EXOC4: variants seen among roughly 807,000 people sequenced by gnomAD.
EXOC4 encodes the protein exocyst complex component 4.
A neutral mutation model predicts 107.2 loss-of-function variants in EXOC4; 71 were observed. The observed-to-expected ratio is 0.66, with a 90% CI of 0.55 to 0.81. The LOEUF is 0.81. EXOC4 is among the 30% of genes least tolerant of loss of function. The probability of loss-of-function intolerance (pLI) is 0.00; values close to 1 mark genes in which losing one functional copy is unlikely to be tolerated. For missense variants in EXOC4, 1,108 were observed against 1,189.6 expected, an observed-to-expected ratio of 0.93 and a Z score of 1.01; for synonymous variants, 456 against 441.2, an observed-to-expected ratio of 1.03 and a Z score of -0.42.
intron 17 of EXOC4, among the ~76,000 whole-genome samples, chr7:134,042,011 C>T (rs573226402): frequency 2.6e-5 from 4 of 152,168 alleles, no homozygotes; most frequent in East Asian, 3.9e-4. Context: ...ACCCTGATTG[C>T]GATCATATAA....
intron 11 of EXOC4, among the ~76,000 whole-genome samples, chr7:133,820,422 A>AAT (rs1797492497): frequency 6.6e-6 from 1 of 152,026 alleles, no homozygotes; most frequent in Non-Finnish European, 1.5e-5. Context: ...TTCCTCTACA[A>AAT]GCACAGGGTG....
chr7:133,486,083 A>T (rs1032456283), intron 9 of EXOC4, among the ~76,000 whole-genome samples: 1 of 152,074 alleles, frequency 6.6e-6, no homozygotes, highest in African/African-American at 2.4e-5. Context: ...ATGTTCTGTA[A>T]ATCTCCAACC....
At chr7:133,317,958 G>A (rs1243759937) in intron 5 of EXOC4, among the ~76,000 whole-genome samples, 1 of 152,134 alleles carries the variant, frequency 6.6e-6, no homozygotes, top group African/African-American at 2.4e-5. Context: ...ACACCCGGGC[G>A]ACCAGCACTG....
rs540787218 is a variant in EXOC4 at position 133,792,072 on chromosome 7, G to A, written c.1515-25253G>A. ...ACAGCTGTGGACCATGGACAAACACGTGTATGCCCAGACCCAGCAGTTTTA... is the reference window on the plus strand; with the variant it reads ...ACAGCTGTGGACCATGGACAAACACATGTATGCCCAGACCCAGCAGTTTTA... On this transcript the variant is annotated intron_variant, in intron 10 of 17. Coordinates refer to ENST00000253861, the MANE Select transcript of EXOC4 (RefSeq NM_021807.4). Among the ~76,000 whole-genome samples the A allele has an allele frequency of 2.0e-5, 3 of 152,134 alleles. No homozygotes were observed. In the East Asian group the frequency reaches 5.8e-4, roughly 30 times the overall value.
At chr7:133,886,508 A>G (rs952017657) in intron 11 of EXOC4, among the ~76,000 whole-genome samples, 9 of 151,754 alleles carry the variant, frequency 5.9e-5, no homozygotes, top group South Asian at 4.2e-4. Context: ...TTCCACAGCA[A>G]TGTTTTTTTT....
chr7:133,626,842 G>A (rs982633529), intron 9 of EXOC4, among the ~76,000 whole-genome samples: 3 of 152,120 alleles, frequency 2.0e-5, no homozygotes, highest in East Asian at 3.9e-4. Flanking sequence ...ATCAACAAAC[G>A]TTTATTAAGC....
chr7:133,945,240 A>G (rs993517861), intron 14 of EXOC4, among the ~76,000 whole-genome samples: 26 of 152,208 alleles, frequency 1.7e-4, no homozygotes, highest in African/African-American at 4.8e-4. Context: ...CGCATTAGAA[A>G]TGCCTGTGCT....
intron 11 of EXOC4, among the ~76,000 whole-genome samples, chr7:133,886,121 G>A (rs1165263975): frequency 6.6e-6 from 1 of 152,198 alleles, no homozygotes; most frequent in Non-Finnish European, 1.5e-5. Flanking sequence ...TCCAGTAGAT[G>A]TGAAAAGATG....
intron 10 of EXOC4, among the ~76,000 whole-genome samples, chr7:133,783,751 T>C (rs1796513300): frequency 6.6e-6 from 1 of 152,242 alleles, no homozygotes. Flanking sequence ...TCTTACTTTA[T>C]GTACAATATT....
chr7:133,941,330 A>T (rs572209296), intron 14 of EXOC4, among the ~76,000 whole-genome samples: 1 of 152,268 alleles, frequency 6.6e-6, no homozygotes, highest in South Asian at 2.1e-4. Context: ...ATCTCTTCAG[A>T]TAGGACAGTA....
chr7:133,553,193 A>T (rs1800624501), intron 9 of EXOC4, among the ~76,000 whole-genome samples: 1 of 152,164 alleles, frequency 6.6e-6, no homozygotes, highest in South Asian at 2.1e-4. Context: ...GTGTTTTATA[A>T]AGTGTGATAT....
At chr7:133,558,588 A>G (rs550199142) in intron 9 of EXOC4, among the ~76,000 whole-genome samples, 44 of 152,268 alleles carry the variant, frequency 2.9e-4, no homozygotes, top group African/African-American at 1.0e-3. Context: ...TGGAAATTAC[A>G]AACAAATGTA....
intron 17 of EXOC4, among the ~76,000 whole-genome samples, chr7:134,009,632 C>T (rs1182472388): frequency 1.3e-5 from 2 of 152,008 alleles, no homozygotes; most frequent in East Asian, 1.9e-4. Flanking sequence ...TTTATTTGGT[C>T]GCTCTTATGG....
intron 10 of EXOC4, among the ~76,000 whole-genome samples, chr7:133,648,428 AATC>A (rs1183456038): frequency 6.6e-6 from 1 of 152,200 alleles, no homozygotes; most frequent in East Asian, 1.9e-4. Context: ...GCCTTTGTAG[AATC>A]ATCATCTTTT....
At chr7:133,672,369 C>T (rs1376945092) in intron 10 of EXOC4, among the ~76,000 whole-genome samples, 4 of 140,908 alleles carry the variant, frequency 2.8e-5, no homozygotes, top group South Asian at 2.2e-4. Flanking sequence ...CCAGCCTGGG[C>T]GACAGAGTGA....
At chr7:133,678,605 C>CTT (rs879722356) in intron 10 of EXOC4, among the ~76,000 whole-genome samples, 2 of 145,686 alleles carry the variant, frequency 1.4e-5, no homozygotes, top group Non-Finnish European at 1.5e-5. Flanking sequence ...CTCCCACCCT[C>CTT]TTTTTTTTTT....
intron 10 of EXOC4, among the ~76,000 whole-genome samples, chr7:133,725,969 G>C (rs1384843035): frequency 6.6e-6 from 1 of 152,210 alleles, no homozygotes; most frequent in Non-Finnish European, 1.5e-5. Context: ...ACAAAAAGGA[G>C]TTGCTATTCA....
At chr7:133,297,646 T>C (rs1362678564) in intron 3 of EXOC4, among the ~76,000 whole-genome samples, 1 of 152,124 alleles carries the variant, frequency 6.6e-6, no homozygotes, top group Non-Finnish European at 1.5e-5. Context: ...AAGTGAAATA[T>C]AGTACAGGAA....
chr7:133,293,578 ATGGTGACCCAT>A (rs1794454279), intron 3 of EXOC4, among the ~76,000 whole-genome samples: 1 of 152,254 alleles, frequency 6.6e-6, no homozygotes. Context: ...AAATAACTCC[ATGGTGACCCAT>A]TGCTCTTGGC....
Sources: allele counts gnomAD v4.1 joint callset (sites outside exome capture counted in the v4.1 genomes callset), GRCh38; gene constraint gnomAD v4.1.1; transcripts MANE v1.5; gene names NCBI Gene and HGNC (gene_info 2026-07-23, HGNC 2026-07-21).